CHIC2: variants seen among roughly 807,000 people sequenced by gnomAD.
CHIC2 encodes cysteine-rich hydrophobic domain-containing protein 2.
In CHIC2, 14 loss-of-function variants were observed where a neutral mutation model predicts 25.9. The observed-to-expected ratio is 0.54, with a 90% CI of 0.36 to 0.85. The LOEUF (loss-of-function observed/expected upper bound fraction) is 0.85. Ranked by LOEUF, CHIC2 falls within the 40% of genes least tolerant of loss-of-function variation. The pLI is 0.01. For missense variants in CHIC2, 146 were observed against 202.0 expected, an observed-to-expected ratio of 0.72 and a Z score of 1.68; for synonymous variants, 70 against 72.0, an observed-to-expected ratio of 0.97 and a Z score of 0.14.
Position 54,010,163 on chromosome 4 carries a change from A to G in CHIC2, c.448-18T>C. 1 of 1,565,766 alleles carries G rather than the reference A, an allele frequency of 6.4e-7. No homozygotes were observed. Among genetic ancestry groups the G allele is most frequent in the Non-Finnish European group, 8.7e-7 (1 of 1,149,272 alleles). The stretch of plus-strand genomic sequence containing the variant: ...AGGATGACCTGTAAAAGGAGAAGAA[A>G]AAGGTTTTAAAAGATTTAAACAAAA... On this transcript the variant is annotated intron_variant, in intron 5 of 5. Coordinates refer to ENST00000263921, the MANE Select transcript of CHIC2 (RefSeq NM_012110.4).
the CHIC2 span, among the ~76,000 whole-genome samples, chr4:54,073,288 A>G: frequency 6.6e-6 from 1 of 152,182 alleles, no homozygotes; most frequent in African/African-American, 2.4e-5. Flanking sequence ...GCCAGCCTTC[A>G]GGATGGTCCC....
chr4:54,038,790 G>C (rs1716472730), intron 3 of CHIC2, among the ~76,000 whole-genome samples: 1 of 152,046 alleles, frequency 6.6e-6, no homozygotes, highest in Non-Finnish European at 1.5e-5. Context: ...GGGAGGCCGA[G>C]ATGAGAGAAT....
upstream of CHIC2, chr4:54,064,613 C>A: frequency 8.8e-7 from 1 of 1,130,088 alleles, no homozygotes; most frequent in Non-Finnish European, 1.1e-6. This position sits in a 1 kb window ranked among gnomAD's most constrained non-coding sequence, Gnocchi z 4.2. Context: ...ACCACAGCAA[C>A]AGCCCGAGCC....
At chr4:54,036,554 C>T (rs1469329601) in intron 3 of CHIC2, among the ~76,000 whole-genome samples, 1 of 152,066 alleles carries the variant, frequency 6.6e-6, no homozygotes, top group African/African-American at 2.4e-5. Context: ...GTTATCTGCC[C>T]CCATGATCCA....
chr4:54,044,939 A>C (rs1462298825), intron 3 of CHIC2, among the ~76,000 whole-genome samples: 2 of 152,182 alleles, frequency 1.3e-5, no homozygotes, highest in African/African-American at 2.4e-5. Flanking sequence ...AGAATCAAAT[A>C]GATGCAATAA....
At chr4:54,073,878 CG>C in the CHIC2 span, among the ~76,000 whole-genome samples, 1 of 152,084 alleles carries the variant, frequency 6.6e-6, no homozygotes, top group East Asian at 1.9e-4. Flanking sequence ...GGTTTTAGAC[CG>C]GGCGCAGTGG....
chr4:54,087,895 G>A, the CHIC2 span: 117 of 239,026 alleles, frequency 4.9e-4, 1 homozygote, highest in South Asian at 5.2e-3. Context: ...TGTAAAACAG[G>A]GCTTATGTTT....
rs60018454 is a variant in CHIC2, at chr4:54,043,174, C to A, written c.330+5781G>T. Among the ~76,000 whole-genome samples, 728 of 152,252 alleles carry A rather than the reference C, an allele frequency of 4.8e-3. 10 individuals carry two copies. The highest frequency in any genetic ancestry group is 0.016 in the African/African-American group (645 of 41,556). Reference sequence around the variant, plus strand: ...CGGTGGCTCACGCCTGTAATCCCAGCACTTTGGGAGGCCGAGGCGGATGGA... The same window carrying A: ...CGGTGGCTCACGCCTGTAATCCCAGAACTTTGGGAGGCCGAGGCGGATGGA... On this transcript the variant is annotated intron_variant, in intron 3 of 5. Coordinates refer to ENST00000263921, the MANE Select transcript of CHIC2 (RefSeq NM_012110.4).
chr4:54,060,222 CCAAA>C (rs1717290460), intron 1 of CHIC2: 2 of 151,992 alleles, frequency 1.3e-5, no homozygotes, highest in African/African-American at 2.4e-5. Context: ...AGTGTAGTTC[CCAAA>C]CATTTTCAAG....
chr4:54,074,268 A>G, the CHIC2 span, among the ~76,000 whole-genome samples: 5 of 152,202 alleles, frequency 3.3e-5, no homozygotes, highest in Admixed American at 2.0e-4. Context: ...CTTAACTTAG[A>G]CACTTAAAAC....
At chr4:54,039,693 C>A (rs1354222003) in intron 3 of CHIC2, among the ~76,000 whole-genome samples, 1 of 152,148 alleles carries the variant, frequency 6.6e-6, no homozygotes, top group Non-Finnish European at 1.5e-5. Flanking sequence ...TACCATATAA[C>A]CCGGCAATCC....
chr4:54,033,649 G>T (rs1560387898), intron 3 of CHIC2, among the ~76,000 whole-genome samples: 1 of 152,054 alleles, frequency 6.6e-6, no homozygotes, highest in South Asian at 2.1e-4. Context: ...GAGTTTTATA[G>T]GTTTAGGTTT....
the CHIC2 span, among the ~76,000 whole-genome samples, chr4:54,079,827 A>G: frequency 1.3e-5 from 2 of 152,076 alleles, no homozygotes; most frequent in Non-Finnish European, 2.9e-5. Flanking sequence ...TAGAATGGCT[A>G]TTATCCAAAA....
upstream of CHIC2, chr4:54,064,663 T>C: frequency 9.6e-7 from 1 of 1,041,460 alleles, no homozygotes. The surrounding 1 kb of genome is among the most constrained non-coding windows in gnomAD (Gnocchi z 4.2). Flanking sequence ...TCGCGAGACT[T>C]CCCGGGCCAA....
intron 3 of CHIC2, among the ~76,000 whole-genome samples, chr4:54,035,496 T>C (rs1474304613): frequency 6.6e-6 from 1 of 152,222 alleles, no homozygotes; most frequent in African/African-American, 2.4e-5. Flanking sequence ...TTGTCCACTT[T>C]AAGGTGTTGA....
At chr4:54,073,562 G>A in the CHIC2 span, among the ~76,000 whole-genome samples, 1 of 152,178 alleles carries the variant, frequency 6.6e-6, no homozygotes, top group Admixed American at 6.5e-5. Flanking sequence ...ACTCATGGGA[G>A]TGAGCCACCC....
At chr4:54,077,004 G>A in the CHIC2 span, among the ~76,000 whole-genome samples, 1 of 152,198 alleles carries the variant, frequency 6.6e-6, no homozygotes, top group African/African-American at 2.4e-5. Context: ...GAGGAAACTG[G>A]GTTAACTCAA....
At chr4:54,012,678 C>T (rs919152411) in intron 5 of CHIC2, among the ~76,000 whole-genome samples, 2 of 151,970 alleles carry the variant, frequency 1.3e-5, no homozygotes, top group Admixed American at 6.6e-5. Context: ...GTCTCCTCAC[C>T]TCAAAATGAG....
At chr4:54,064,741 ACGTGCGGCCTCGCGCGCT>A, upstream of CHIC2, 3 of 773,150 alleles carry the variant, frequency 3.9e-6, no homozygotes, top group Non-Finnish European at 4.7e-6. The surrounding 1 kb of genome is among the most constrained non-coding windows in gnomAD (Gnocchi z 4.2). Flanking sequence ...GGGCGCGCGC[ACGTGCGGCCTCGCGCGCT>A]CCCAGGCCAC....
Sources: allele counts gnomAD v4.1 joint callset (sites outside exome capture counted in the v4.1 genomes callset), GRCh38; gene constraint gnomAD v4.1.1; non-coding constraint Gnocchi (gnomAD v3.1); transcripts MANE v1.5; gene names NCBI Gene and HGNC (gene_info 2026-07-23, HGNC 2026-07-21).